AGBL4: variants seen among roughly 807,000 people sequenced by gnomAD.
The protein encoded by AGBL4 is cytosolic carboxypeptidase 6.
AGBL4 carries 58 observed loss-of-function variants against 66.4 expected under a neutral mutation model. The observed-to-expected ratio is 0.87, with a 90% CI of 0.71 to 1.09. The LOEUF (loss-of-function observed/expected upper bound fraction) is 1.09, where lower values mean the gene tolerates loss of function less well. Ranked by LOEUF, AGBL4 falls within the 50% of genes least tolerant of loss-of-function variation. The pLI is 0.00. For synonymous variants in AGBL4, 234 were observed against 222.9 expected (o/e 1.05, Z -0.44); for missense variants, 579 against 631.0 (o/e 0.92, Z 0.88).
At chr1:48,635,698 T>C (rs1405910272) in intron 8 of AGBL4, among the ~76,000 whole-genome samples, 1 of 152,226 alleles carries the variant, frequency 6.6e-6, no homozygotes, top group East Asian at 1.9e-4. Flanking sequence ...TCTTTCATCA[T>C]GGACTGCACT....
chr1:48,621,612 T>A (rs1645414698), intron 9 of AGBL4, among the ~76,000 whole-genome samples: 1 of 152,240 alleles, frequency 6.6e-6, no homozygotes. Context: ...TAAACCTAGT[T>A]GTTATATATG....
intron 5 of AGBL4, among the ~76,000 whole-genome samples, chr1:48,954,583 G>A (rs1187871481): frequency 6.6e-6 from 1 of 152,172 alleles, no homozygotes; most frequent in Non-Finnish European, 1.5e-5. Context: ...AAAAGCATGA[G>A]GTTATTATTA....
At chr1:49,801,873 T>C (rs1224123638) in intron 2 of AGBL4, among the ~76,000 whole-genome samples, 1 of 152,216 alleles carries the variant, frequency 6.6e-6, no homozygotes. Context: ...TTGAAATACG[T>C]CTGTTATGGT....
chr1:49,554,811 C>T (rs1653277171), intron 3 of AGBL4, among the ~76,000 whole-genome samples: 1 of 152,126 alleles, frequency 6.6e-6, no homozygotes, highest in South Asian at 2.1e-4. Context: ...CATGATCTCA[C>T]TGACTTCAGG....
chr1:49,456,541 T>G (rs1396045678), intron 3 of AGBL4, among the ~76,000 whole-genome samples: 2 of 151,710 alleles, frequency 1.3e-5, no homozygotes, highest in African/African-American at 4.8e-5. Context: ...CATCATTTAT[T>G]TATTTTTCCT....
intron 2 of AGBL4, among the ~76,000 whole-genome samples, chr1:49,722,304 A>T (rs961148723): frequency 6.6e-6 from 1 of 152,164 alleles, no homozygotes; most frequent in African/African-American, 2.4e-5. Context: ...GACTCTCAGA[A>T]ATTATATAAA....
At chr1:49,964,288 T>A (rs1657368760) in intron 1 of AGBL4, among the ~76,000 whole-genome samples, 1 of 152,132 alleles carries the variant, frequency 6.6e-6, no homozygotes, top group African/African-American at 2.4e-5. Flanking sequence ...TGAATAATCT[T>A]AGGCAAGTTA....
chr1:49,717,589 C>T (rs1648249139), intron 2 of AGBL4, among the ~76,000 whole-genome samples: 1 of 151,950 alleles, frequency 6.6e-6, no homozygotes, highest in Non-Finnish European at 1.5e-5. Flanking sequence ...CTCTCACCTG[C>T]CCTAGTTTTC....
At chr1:48,603,066 G>T (rs1179632330) in intron 9 of AGBL4, among the ~76,000 whole-genome samples, 1 of 152,228 alleles carries the variant, frequency 6.6e-6, no homozygotes, top group East Asian at 1.9e-4. Context: ...AGATGAGAAG[G>T]TGTTCACCAA....
At chr1:49,243,024 TATATATATATACACACACATAC>T (rs1351924551) in intron 4 of AGBL4, among the ~76,000 whole-genome samples, 1 of 149,242 alleles carries the variant, frequency 6.7e-6, no homozygotes, top group Admixed American at 6.7e-5. Context: ...TTTTTATACA[TATATATATATACACACACATAC>T]ATATATATAT....
At position 49,563,426 on chromosome 1, in the gene AGBL4, T is replaced by C. The variant is rs533542783; in HGVS notation, c.282+133887A>G. 2.1e-3 allele frequency among the ~76,000 whole-genome samples: 315 copies of C among 152,260 alleles called. 4 individuals are homozygous for C. Among genetic ancestry groups the C allele is most frequent in the African/African-American group, 7.1e-3 (293 of 41,560 alleles). The stretch of plus-strand genomic sequence containing the variant: ...ATGCTTCCAGTTTTTGTCTGTTCAG[T>C]ATGATATTGGCTGTGGGTTTGTCAC... On this transcript the variant is annotated intron_variant, in intron 3 of 13. Coordinates refer to ENST00000371839, the MANE Select transcript of AGBL4 (RefSeq NM_032785.4).
chr1:49,071,025 A>T (rs1644593223), intron 4 of AGBL4, among the ~76,000 whole-genome samples: 1 of 151,876 alleles, frequency 6.6e-6, no homozygotes, highest in South Asian at 2.1e-4. Flanking sequence ...TCTAGAAGAG[A>T]GGCATAGAGG....
chr1:49,265,470 T>A (rs917590109), intron 3 of AGBL4, among the ~76,000 whole-genome samples: 3 of 152,198 alleles, frequency 2.0e-5, no homozygotes, highest in African/African-American at 7.2e-5. Flanking sequence ...GTTCAACCAA[T>A]CAGCTCCTTT....
At chr1:49,139,807 G>A (rs1164771254) in intron 4 of AGBL4, among the ~76,000 whole-genome samples, 2 of 152,020 alleles carry the variant, frequency 1.3e-5, no homozygotes, top group Admixed American at 1.3e-4. Context: ...TTTATTGTTT[G>A]TTGCCTCAAA....
At chr1:49,948,567 ATATAT>A (rs1655760483) in intron 1 of AGBL4, among the ~76,000 whole-genome samples, 1 of 46,770 alleles carries the variant, frequency 2.1e-5, no homozygotes, top group African/African-American at 5.8e-5. Context: ...ATATAAAAAT[ATATAT>A]ATATATATAT....
At chr1:49,822,678 A>G (rs936905911) in intron 2 of AGBL4, among the ~76,000 whole-genome samples, 1 of 152,168 alleles carries the variant, frequency 6.6e-6, no homozygotes, top group African/African-American at 2.4e-5. Flanking sequence ...TAAGTATGAT[A>G]TTCATTATAC....
intron 4 of AGBL4, among the ~76,000 whole-genome samples, chr1:49,079,994 A>T (rs1644780333): frequency 6.6e-6 from 1 of 152,246 alleles, no homozygotes; most frequent in Admixed American, 6.5e-5. Flanking sequence ...CTGAGCATCT[A>T]TTGTATGCCA....
chr1:48,791,714 A>G (rs1033583469), intron 6 of AGBL4, among the ~76,000 whole-genome samples: 1 of 152,182 alleles, frequency 6.6e-6, no homozygotes, highest in Non-Finnish European at 1.5e-5. Flanking sequence ...CATTTGTTGG[A>G]TATGGAGACA....
At chr1:49,877,761 A>G (rs1348291740) in intron 1 of AGBL4, among the ~76,000 whole-genome samples, 1 of 151,138 alleles carries the variant, frequency 6.6e-6, no homozygotes, top group Non-Finnish European at 1.5e-5. Context: ...TACCTCTGGT[A>G]GAATTCGGCT....
Sources: allele counts gnomAD v4.1 joint callset (sites outside exome capture counted in the v4.1 genomes callset), GRCh38; gene constraint gnomAD v4.1.1; transcripts MANE v1.5; gene names NCBI Gene and HGNC (gene_info 2026-07-23, HGNC 2026-07-21).